TNS3: variants seen among roughly 807,000 people sequenced by gnomAD.
TNS3 encodes tensin-3.
TNS3 carries 45 observed loss-of-function variants against 140.9 expected under a neutral mutation model. The observed-to-expected ratio is 0.32, with a 90% CI of 0.25 to 0.41. The LOEUF (loss-of-function observed/expected upper bound fraction) is 0.41. TNS3 is among the 10% of genes least tolerant of loss of function. The pLI, the probability that TNS3 is intolerant of heterozygous loss-of-function variation, is 1.00. For missense variants in TNS3, 1,716 were observed against 1,906.7 expected (o/e 0.90, Z 1.86); for synonymous variants, 815 against 788.4 (o/e 1.03, Z -0.56).
At chr7:47,341,331 A>C (rs1336033993) in intron 20 of TNS3, among the ~76,000 whole-genome samples, 1 of 152,148 alleles carries the variant, frequency 6.6e-6, no homozygotes, top group African/African-American at 2.4e-5. Flanking sequence ...ATTCTTCTTT[A>C]CATGTTTGGT....
chr7:47,369,179 A>T lies in TNS3; in HGVS notation c.1467T>A (p.Ser489Arg). Reference protein sequence around the residue: ...DDEMPHHDLHSVDSLGTLSSS... With the variant: ...DDEMPHHDLHRVDSLGTLSSS... ...AGGACAGGGTCCCAAGGCTGTCCAC[A>T]CTGTGCAGGTCGTGGTGGGGCATCT... The change falls in exon 17 of 31, where the codon AGT becomes AGA. Residue 489 changes from serine to arginine, a missense_variant. By Grantham distance (110) the Ser-to-Arg change is moderately radical. Coordinates refer to ENST00000311160, the MANE Select transcript of TNS3 (RefSeq NM_022748.12). The T allele has an allele frequency of 6.2e-7, 1 of 1,614,142 alleles. No homozygotes were observed. Among genetic ancestry groups the T allele is most frequent in the Non-Finnish European group, 8.5e-7 (1 of 1,180,020 alleles).
At chr7:47,333,208 C>T (rs558008303) in intron 20 of TNS3, among the ~76,000 whole-genome samples, 1 of 152,272 alleles carries the variant, frequency 6.6e-6, no homozygotes, top group African/African-American at 2.4e-5. Flanking sequence ...CTGACCTCCA[C>T]GAACCCAGCA....
chr7:47,389,088 A>C lies in TNS3; in HGVS notation c.1024+7712T>G, dbSNP rs1792316479. ...GAAGAAGAAGAAGAAGAAGAAGAGG[A>C]AGAGGAAGAGGAAGCGGAAGCAGAA... On this transcript the variant is annotated intron_variant, in intron 16 of 30. Transcript: ENST00000311160. Among the ~76,000 whole-genome samples, 4 of 77,064 alleles carry C rather than the reference A, an allele frequency of 5.2e-5. 2 individuals carry two copies. The highest frequency in any genetic ancestry group is 3.1e-4 in the Admixed American group (2 of 6,486). 50.6% of individuals were successfully genotyped at this position (77,064 alleles called of 152,430 possible). A position where few individuals can be genotyped will look rare whatever the true frequency, so the allele number is the denominator to read the frequency against.
intron 9 of TNS3, among the ~76,000 whole-genome samples, chr7:47,426,595 G>C (rs1794663783): frequency 6.6e-6 from 1 of 152,150 alleles, no homozygotes; most frequent in Non-Finnish European, 1.5e-5. Context: ...AACATTCTGG[G>C]AAGTAGAGCT....
chr7:47,418,038 C>T (rs1227519956), intron 10 of TNS3, among the ~76,000 whole-genome samples: 3 of 152,212 alleles, frequency 2.0e-5, no homozygotes, highest in African/African-American at 7.2e-5. Context: ...CCTATAATCC[C>T]AGCACTCTGG....
chr7:47,391,354 G>A (rs573321350), intron 16 of TNS3, among the ~76,000 whole-genome samples: 5 of 152,146 alleles, frequency 3.3e-5, no homozygotes, highest in African/African-American at 4.8e-5. Flanking sequence ...TTCTTCCTGC[G>A]CCCACCCCAG....
chr7:47,533,124 T>TATATATATATATATATATATA (rs56661018), intron 1 of TNS3, among the ~76,000 whole-genome samples: 4 of 26,966 alleles, frequency 1.5e-4, no homozygotes, highest in African/African-American at 4.3e-4. Flanking sequence ...TATATATATA[T>TATATATATATATATATATATA]TTTTTTTTTT....
chr7:47,580,147 G>A (rs1391735006), intron 1 of TNS3, among the ~76,000 whole-genome samples: 2 of 152,178 alleles, frequency 1.3e-5, no homozygotes, highest in Non-Finnish European at 2.9e-5. Context: ...TCGCTGTCTG[G>A]ACATGCATTA....
At chr7:47,357,618 G>C (rs1790066833) in intron 17 of TNS3, among the ~76,000 whole-genome samples, 1 of 152,098 alleles carries the variant, frequency 6.6e-6, no homozygotes, top group Non-Finnish European at 1.5e-5. Flanking sequence ...CATTAGCCAG[G>C]GTTCTGACGG....
At chr7:47,366,586 T>C (rs1415122261) in intron 17 of TNS3, among the ~76,000 whole-genome samples, 1 of 152,112 alleles carries the variant, frequency 6.6e-6, no homozygotes, top group Non-Finnish European at 1.5e-5. Context: ...AGGACCAACA[T>C]CTGCAGGGTG....
At chr7:47,449,741 G>A (rs1795926808) in intron 4 of TNS3, among the ~76,000 whole-genome samples, 1 of 152,162 alleles carries the variant, frequency 6.6e-6, no homozygotes, top group African/African-American at 2.4e-5. Flanking sequence ...CAGTAGTTGG[G>A]ATTACAGGCG....
chr7:47,531,100 T>C (rs1056849882), intron 1 of TNS3, among the ~76,000 whole-genome samples: 2 of 151,796 alleles, frequency 1.3e-5, no homozygotes, highest in Admixed American at 1.3e-4. Flanking sequence ...CACCAGGGCC[T>C]ACTTGAGGGT....
At chr7:47,463,048 G>A (rs751744027) in intron 4 of TNS3, among the ~76,000 whole-genome samples, 18 of 152,180 alleles carry the variant, frequency 1.2e-4, no homozygotes, top group Non-Finnish European at 1.9e-4. Context: ...CTATAAAGTT[G>A]CTGCAAACAC....
At chr7:47,565,905 G>A (rs1174150954) in intron 1 of TNS3, among the ~76,000 whole-genome samples, 2 of 152,164 alleles carry the variant, frequency 1.3e-5, no homozygotes, top group African/African-American at 4.8e-5. Context: ...CACGGGCGCT[G>A]GGAGGCTTTG....
intron 3 of TNS3, among the ~76,000 whole-genome samples, chr7:47,497,349 G>A (rs559411931): frequency 2.7e-4 from 41 of 152,228 alleles, no homozygotes; most frequent in African/African-American, 9.9e-4. Context: ...GGGGAAAAGA[G>A]CACTCCTGCA....
At chr7:47,400,743 G>A (rs750953199) in intron 14 of TNS3, 42 bp downstream of exon 14, 23 of 1,604,740 alleles carry the variant, frequency 1.4e-5, no homozygotes, top group Middle Eastern at 1.7e-4. Context: ...AGGTTCAACC[G>A]CAGCTGCCCA....
intron 17 of TNS3, among the ~76,000 whole-genome samples, chr7:47,353,537 T>A (rs1362625984): frequency 6.6e-6 from 1 of 152,232 alleles, no homozygotes; most frequent in Non-Finnish European, 1.5e-5. Flanking sequence ...CCCTGGAACC[T>A]GTGAAGAGCC....
intron 10 of TNS3, among the ~76,000 whole-genome samples, chr7:47,423,849 C>T (rs540040454): frequency 1.3e-5 from 2 of 152,294 alleles, no homozygotes; most frequent in East Asian, 3.9e-4. Flanking sequence ...CCAACTGGAG[C>T]AAGTCCTCCC....
intron 12 of TNS3, among the ~76,000 whole-genome samples, chr7:47,412,604 T>A (rs1793835177): frequency 6.6e-6 from 1 of 151,716 alleles, no homozygotes; most frequent in African/African-American, 2.4e-5. Flanking sequence ...TCAAAAAAAA[T>A]AAATAAATAA....
Sources: allele counts gnomAD v4.1 joint callset (sites outside exome capture counted in the v4.1 genomes callset), GRCh38; gene constraint gnomAD v4.1.1; transcripts MANE v1.5; gene names NCBI Gene and HGNC (gene_info 2026-07-23, HGNC 2026-07-21).